The following SCUBE2 variants were observed in gnomAD, a reference collection of about 807,000 sequenced individuals.
SCUBE2 encodes signal peptide, CUB domain and EGF like domain containing 2.
In SCUBE2, 114 loss-of-function variants were observed where a neutral mutation model predicts 125.9. That is an observed-to-expected ratio of 0.91 (90% confidence interval 0.78 to 1.06). The LOEUF is 1.06. Ranked by LOEUF, SCUBE2 falls within the 50% of genes least tolerant of loss-of-function variation. The probability of loss-of-function intolerance (pLI) is 0.00; values close to 1 mark genes in which losing one functional copy is unlikely to be tolerated. For synonymous variants in SCUBE2, 459 were observed against 492.9 expected, an observed-to-expected ratio of 0.93 and a Z score of 0.91; for missense variants, 1,255 against 1,301.8, an observed-to-expected ratio of 0.96 and a Z score of 0.55.
intron 17 of SCUBE2, among the ~76,000 whole-genome samples, chr11:9,032,682 G>C (rs895640617): frequency 6.6e-6 from 1 of 152,114 alleles, no homozygotes; most frequent in Non-Finnish European, 1.5e-5. Flanking sequence ...GCAGTGAGCC[G>C]AGATTGCACC....
At chr11:9,075,185 C>A (rs117647427) in intron 3 of SCUBE2, among the ~76,000 whole-genome samples, 2 of 142,136 alleles carry the variant, frequency 1.4e-5, no homozygotes, top group Non-Finnish European at 3.0e-5. Context: ...CCAGCCTGGG[C>A]CTCAGAGCGA....
At position 9,091,477 on chromosome 11, in the gene SCUBE2, GC is replaced by G. The variant is rs774764579; in HGVS notation, c.51del (p.Leu18CysfsTer29). On this transcript the variant is annotated frameshift_variant, in exon 1 of 23. Coordinates refer to ENST00000649792, the MANE Select transcript of SCUBE2 (RefSeq NM_001367977.2). LOFTEE classifies it high-confidence loss of function. The surrounding 1 kb of genome is among the most constrained non-coding windows in gnomAD (Gnocchi z 8.5). ...NRPGAAWAVLLLLLLLPPLLL... is the reference protein window; with the variant it reads ...NRPGAAWAVLXLLLLLPPLLL... ...AGCAGTGGCGGCAGCAGCAGCAGCA[GC>G]AGCAGCACCGCCCAGGCCGCCCCGG... is the stretch of plus-strand genomic sequence containing the variant. 1.6e-6 allele frequency: 2 copies of G among 1,270,086 alleles called. No homozygotes were observed. Among genetic ancestry groups the G allele is most frequent in the Admixed American group, 3.3e-5 (1 of 30,586 alleles). 78.7% of individuals were successfully genotyped at this position (1,270,086 alleles called of 1,614,324 possible). A position where few individuals can be genotyped will look rare whatever the true frequency, so the allele number is the denominator to read the frequency against.
chr11:9,080,942 A>T (rs1288932103), intron 2 of SCUBE2, among the ~76,000 whole-genome samples: 1 of 152,248 alleles, frequency 6.6e-6, no homozygotes, highest in Non-Finnish European at 1.5e-5. Context: ...ATTCGAATAG[A>T]CATTTCAGCT....
At chr11:9,026,571 G>C (rs1855785628) in intron 20 of SCUBE2, 1 of 151,416 alleles carries the variant, frequency 6.6e-6, no homozygotes, top group Non-Finnish European at 1.5e-5. Flanking sequence ...AGCCTCCCGA[G>C]TAGCCGGAAC....
intron 2 of SCUBE2, among the ~76,000 whole-genome samples, chr11:9,087,377 T>C (rs1186616079): frequency 1.3e-5 from 2 of 152,188 alleles, no homozygotes; most frequent in African/African-American, 4.8e-5. Context: ...AACATTTGTT[T>C]CCAAAGCAGG....
chr11:9,045,648 C>T (rs955696134), intron 16 of SCUBE2, among the ~76,000 whole-genome samples: 93 of 147,880 alleles, frequency 6.3e-4, no homozygotes, highest in African/African-American at 2.2e-3. Context: ...CACACACACA[C>T]ACACACAGCC....
intron 2 of SCUBE2, 126 bp downstream of exon 2, chr11:9,089,581 G>T: frequency 9.5e-7 from 1 of 1,048,326 alleles, no homozygotes; most frequent in Non-Finnish European, 1.4e-6. Context: ...AGCAGGTGAT[G>T]TGATTCAGGG....
chr11:9,072,739 C>A (rs77774024), intron 4 of SCUBE2, among the ~76,000 whole-genome samples: 1 of 152,166 alleles, frequency 6.6e-6, no homozygotes, highest in African/African-American at 2.4e-5. Context: ...CAGACCACAA[C>A]GCAAATTCTT....
intron 2 of SCUBE2, 71 bp downstream of exon 2, chr11:9,089,636 G>C (rs1862444859): frequency 6.5e-7 from 1 of 1,550,166 alleles, no homozygotes; most frequent in Admixed American, 1.8e-5. Flanking sequence ...ACCAACATAA[G>C]TGGCCACTGC....
intron 17 of SCUBE2, 63 bp from the exon 18 acceptor site, chr11:9,030,988 C>T (rs1856254955): frequency 2.0e-6 from 3 of 1,480,332 alleles, no homozygotes; most frequent in Non-Finnish European, 2.7e-6. Context: ...CCCCACTCTC[C>T]AAATGAGACC....
Position 9,025,027 on chromosome 11 carries a change from T to C in SCUBE2, c.2854+675A>G, listed in dbSNP as rs575174632. Among the ~76,000 whole-genome samples, 11 of 152,348 alleles carry C rather than the reference T, an allele frequency of 7.2e-5. No individual in the cohort carries two copies. The South Asian group carries it at 2.3e-3, about 32-fold the overall frequency. On this transcript the variant is annotated intron_variant, in intron 21 of 22. Coordinates refer to ENST00000649792, the MANE Select transcript of SCUBE2 (RefSeq NM_001367977.2). Reference sequence around the variant, plus strand: ...ATGACTCCTCTCCTACAGGACTGTGTAGTCCTCCAGGACAAAGATCCAGTT... The same window carrying C: ...ATGACTCCTCTCCTACAGGACTGTGCAGTCCTCCAGGACAAAGATCCAGTT...
intron 2 of SCUBE2, among the ~76,000 whole-genome samples, chr11:9,083,331 G>A (rs1166583714): frequency 2.0e-5 from 3 of 152,136 alleles, no homozygotes; most frequent in African/African-American, 7.2e-5. Context: ...ACCTTGCTTG[G>A]ATGCTTTAAG....
chr11:9,057,890 T>C (rs1859250686), intron 9 of SCUBE2, among the ~76,000 whole-genome samples: 1 of 152,174 alleles, frequency 6.6e-6, no homozygotes, highest in Non-Finnish European at 1.5e-5. Context: ...GGAGCAAGAA[T>C]ACATTACAGC....
Position 9,060,472 on chromosome 11 carries a change from C to T in SCUBE2, c.903G>A (p.Ser301=), listed in dbSNP as rs545828647. Reference sequence around the variant, plus strand: ...CAGGACAACTGCAGTGGACACCTGTCGAAGTATCCTTACAGGTGCGGTCAC... The same window carrying T: ...CAGGACAACTGCAGTGGACACCTGTTGAAGTATCCTTACAGGTGCGGTCAC... The part of the protein sequence containing the change: ...GGCDRTCKDT[S]TGVHCSCPVG... Residue 301 remains serine (S), a synonymous_variant, in exon 8 of 23, where the codon TCG becomes TCA. Transcript: ENST00000649792. 11 of 1,613,970 alleles carry T rather than the reference C, an allele frequency of 6.8e-6. No individual in the cohort carries two copies. The highest frequency in any genetic ancestry group is 3.3e-5 in the South Asian group (3 of 91,074).
Position 9,025,721 on chromosome 11 carries a change from G to C in SCUBE2, c.2835C>G (p.Val945=), listed in dbSNP as rs763697763. 5 of 1,614,142 alleles carry C rather than the reference G, an allele frequency of 3.1e-6. No homozygotes were observed. Among genetic ancestry groups the C allele is most frequent in the Non-Finnish European group, 4.2e-6 (5 of 1,180,020 alleles). Residue 945 remains valine, a synonymous_variant, in exon 21 of 23, where the codon GTC becomes GTG. Transcript: ENST00000649792. ...GCTTACCATCATATGTCACGTATGG[G>C]ACCTGGAACCCTCTAGCGCTGTTCC... is the stretch of plus-strand genomic sequence containing the variant. The part of the protein sequence containing the change: ...NEGNSARGFQ[V]PYVTYDEDYQ...
Position 9,053,122 on chromosome 11 carries a change from T to G in SCUBE2, c.1424A>C (p.His475Pro), listed in dbSNP as rs751695776. The change falls in exon 12 of 23, where the codon CAC (histidine) becomes CCC (proline). Residue 475 changes from histidine to proline, a missense_variant. His to Pro is a moderately conservative substitution (Grantham distance 77). Transcript: ENST00000649792. ...ACCTGAAGAGAGGTGAATGCCAGAG[T>G]GACATCTGAGGAAGCACCCGTCTCC... The part of the protein sequence containing the change: ...GGGDGCFLRC[H>P]SGIHLSSGLQ... 1 of 1,613,870 alleles carries G rather than the reference T, an allele frequency of 6.2e-7. No individual in the cohort carries two copies. Among genetic ancestry groups the G allele is most frequent in the Non-Finnish European group, 8.5e-7 (1 of 1,179,996 alleles).
At chr11:9,055,953 G>C (rs1859040633) in intron 9 of SCUBE2, 44 bp from the exon 10 acceptor site, 1 of 1,442,056 alleles carries the variant, frequency 6.9e-7, no homozygotes, top group African/African-American at 1.4e-5. Flanking sequence ...CCACTCTGAG[G>C]GATGAGTGAA....
intron 4 of SCUBE2, 116 bp downstream of exon 4, chr11:9,074,351 TGGACTCGTCCTCAG>T: frequency 8.6e-7 from 1 of 1,159,618 alleles, no homozygotes; most frequent in Non-Finnish European, 1.2e-6. Flanking sequence ...CAGTGGAGTC[TGGACTCGTCCTCAG>T]GCCTCCAGAC....
At position 9,052,978 on chromosome 11, in the gene SCUBE2, G is replaced by T. The variant is rs1858575043; in HGVS notation, c.1447+121C>A. ...GGTCTCGAAGCATGGACCTCTCAAA[G>T]CACGGTGGTCGGGGCATCTGGCGGA... On this transcript the variant is annotated intron_variant, in intron 12 of 22. Coordinates refer to ENST00000649792, the MANE Select transcript of SCUBE2 (RefSeq NM_001367977.2). The T allele has an allele frequency of 3.8e-6, 4 of 1,051,256 alleles. No homozygotes were observed. The Admixed American group carries it at 8.6e-5, about 23-fold the overall frequency. The allele number at this position is 1,051,256 out of a possible 1,614,324, so 65.1% of individuals were successfully genotyped here.
Sources: allele counts gnomAD v4.1 joint callset (sites outside exome capture counted in the v4.1 genomes callset), GRCh38; gene constraint gnomAD v4.1.1; non-coding constraint Gnocchi (gnomAD v3.1); transcripts MANE v1.5; gene names NCBI Gene and HGNC (gene_info 2026-07-23, HGNC 2026-07-21).